The following DISC1 variants were observed in gnomAD, a reference collection of about 807,000 sequenced individuals.
The protein encoded by DISC1 is disrupted in schizophrenia 1 protein.
DISC1 carries 57 observed loss-of-function variants against 84.5 expected under a neutral mutation model. That is an observed-to-expected ratio of 0.67 (90% CI 0.55 to 0.84). DISC1 has a LOEUF of 0.84. DISC1 is among the 40% of genes least tolerant of loss of function. The pLI is 0.00. For missense variants in DISC1, 1,000 were observed against 1,057.8 expected (o/e 0.95, Z 0.76); for synonymous variants, 411 against 415.2 (o/e 0.99, Z 0.12).
Position 232,005,015 on chromosome 1 carries a change from TC to T in DISC1, c.2043-3769del, listed in dbSNP as rs1558828212. 2.0e-4 allele frequency among the ~76,000 whole-genome samples: 23 copies of T among 117,294 alleles called. 1 individual carries two copies. Among genetic ancestry groups the T allele is most frequent in the Middle Eastern group, 5.1e-3 (1 of 198 alleles). 76.9% of individuals were successfully genotyped at this position (117,294 alleles called of 152,430 possible). Reference sequence around the variant, plus strand: ...TCTCTTCTTTCCTTCCTTCCTTCCCTCTCTCCCTCCCTCACTCCCTCCCTCC... The same window carrying T: ...TCTCTTCTTTCCTTCCTTCCTTCCCTTCTCCCTCCCTCACTCCCTCCCTCC... On this transcript the variant is annotated intron_variant, in intron 10 of 12. Coordinates refer to ENST00000439617, the MANE Select transcript of DISC1 (RefSeq NM_018662.3).
intron 1 of DISC1, chr1:231,629,596 T>C (rs2058541050): frequency 6.6e-6 from 1 of 152,636 alleles, no homozygotes; most frequent in East Asian, 1.9e-4. Context: ...TAAAAAATAC[T>C]GTAATCTCAC....
At chr1:231,915,401 A>T (rs1431629826) in intron 9 of DISC1, among the ~76,000 whole-genome samples, 2 of 152,208 alleles carry the variant, frequency 1.3e-5, no homozygotes, top group Non-Finnish European at 2.9e-5. Context: ...AAGCTGCCCA[A>T]TGACACTCCC....
chr1:231,889,637 A>C (rs1298053717), intron 9 of DISC1, among the ~76,000 whole-genome samples: 2 of 152,126 alleles, frequency 1.3e-5, no homozygotes, highest in Non-Finnish European at 2.9e-5. Flanking sequence ...GCCTGGCTGC[A>C]CTCACAGTGG....
rs370031237 is a variant in DISC1 at position 232,018,216 on chromosome 1, C to T, written c.2308-8219C>T. On this transcript the variant is annotated intron_variant, in intron 11 of 12. Coordinates refer to ENST00000439617, the MANE Select transcript of DISC1 (RefSeq NM_018662.3). ...GATACAGCCTGATGAGATATTGTTA[C>T]CAGATACTTTCTCTTATCAAAACAA... 3.9e-5 allele frequency among the ~76,000 whole-genome samples: 6 copies of T among 152,146 alleles called. No homozygotes were observed. The East Asian group carries it at 5.8e-4, about 15-fold the overall frequency.
chr1:231,779,713 C>G (rs2077246494), intron 6 of DISC1, among the ~76,000 whole-genome samples: 1 of 151,936 alleles, frequency 6.6e-6, no homozygotes, highest in East Asian at 1.9e-4. Flanking sequence ...GCACCGGCCA[C>G]CACGCCCGGC....
At chr1:231,965,478 A>G (rs1660967193) in intron 10 of DISC1, among the ~76,000 whole-genome samples, 1 of 152,190 alleles carries the variant, frequency 6.6e-6, no homozygotes, top group Middle Eastern at 3.2e-3. Context: ...GGCCCATTAA[A>G]TAATCTCCTA....
At chr1:231,795,173 G>A in intron 6 of DISC1, 69 bp from the exon 7 acceptor site, 13 of 1,472,928 alleles carry the variant, frequency 8.8e-6, no homozygotes, top group Non-Finnish European at 1.2e-5. Context: ...TTTTTGCAGT[G>A]TTCCTAACTG....
chr1:231,920,376 A>C (rs150020426), intron 9 of DISC1, among the ~76,000 whole-genome samples: 1 of 152,138 alleles, frequency 6.6e-6, no homozygotes, highest in Non-Finnish European at 1.5e-5. Flanking sequence ...GAACTTTCTT[A>C]TCTTTGCTAG....
At chr1:231,793,212 A>G (rs1202093062) in intron 6 of DISC1, among the ~76,000 whole-genome samples, 1 of 152,200 alleles carries the variant, frequency 6.6e-6, no homozygotes, top group Non-Finnish European at 1.5e-5. Flanking sequence ...CTCTGGTATG[A>G]GATTTCCTGA....
chr1:232,021,375 A>ACACACACAC (rs1668946204), intron 11 of DISC1, among the ~76,000 whole-genome samples: 2 of 135,182 alleles, frequency 1.5e-5, no homozygotes, highest in Non-Finnish European at 3.2e-5. Context: ...CACACACACA[A>ACACACACAC]CCCTCAGAAT....
At chr1:231,701,452 A>AAAATAT (rs760400350) in intron 2 of DISC1, among the ~76,000 whole-genome samples, 23 of 152,156 alleles carry the variant, frequency 1.5e-4, no homozygotes, top group Non-Finnish European at 3.1e-4. Flanking sequence ...TCTGTAATGG[A>AAAATAT]AAATATTTGA....
chr1:231,886,805 T>TTCTTTCTTTCTTTC (rs2086775139), intron 9 of DISC1, among the ~76,000 whole-genome samples: 10 of 145,288 alleles, frequency 6.9e-5, no homozygotes, highest in Non-Finnish European at 1.5e-4. Flanking sequence ...CTTTCTTTCT[T>TTCTTTCTTTCTTTC]TCTTTCTTTC....
rs556377114 is a variant in DISC1, at chr1:231,789,714, G to T, written c.1635-5528G>T. 6.6e-5 allele frequency among the ~76,000 whole-genome samples: 10 copies of T among 152,190 alleles called. No individual in the cohort carries two copies. In the South Asian group the frequency reaches 2.1e-3, roughly 32 times the overall value. On this transcript the variant is annotated intron_variant, in intron 6 of 12. Transcript: ENST00000439617. ...CATTCTGGCCCTTGACCAAGTCTTG[G>T]CTTGTATTATCTAGATTAGTGACTG...
chr1:231,713,191 G>T lies in DISC1; in HGVS notation c.1117+11167G>T, dbSNP rs113830588. Among the ~76,000 whole-genome samples, 488 of 152,214 alleles carry T rather than the reference G, an allele frequency of 3.2e-3. 3 individuals carry two copies. Among genetic ancestry groups the T allele is most frequent in the African/African-American group, 0.011 (473 of 41,540 alleles). Reference sequence around the variant, plus strand: ...CCTGGGGAAGGGTGAGAGTCCGATAGCCAGAGTTTACATTATAATATTTAA... The same window carrying T: ...CCTGGGGAAGGGTGAGAGTCCGATATCCAGAGTTTACATTATAATATTTAA... On this transcript the variant is annotated intron_variant, in intron 3 of 12. Transcript: ENST00000439617.
rs1316176686 is a variant in DISC1, at chr1:232,031,508, A to G, written c.2425+4956A>G. ...GGAAGGAAAGAAAGAAAGGAAAGGA[A>G]AGGAAAGAAAGAAAAGGAAAGGAAA... On this transcript the variant is annotated intron_variant, in intron 12 of 12. Coordinates refer to ENST00000439617, the MANE Select transcript of DISC1 (RefSeq NM_018662.3). This position sits in a 1 kb window ranked among gnomAD's most constrained non-coding sequence, Gnocchi z 4.6. 6.6e-6 allele frequency among the ~76,000 whole-genome samples: 1 copy of G among 151,800 alleles called. No homozygotes were observed. The highest frequency in any genetic ancestry group is 2.4e-5 in the African/African-American group (1 of 41,350).
At chr1:231,648,824 G>A (rs540003990) in intron 1 of DISC1, among the ~76,000 whole-genome samples, 1 of 152,206 alleles carries the variant, frequency 6.6e-6, no homozygotes, top group Non-Finnish European at 1.5e-5. Context: ...ATTTCTCCTC[G>A]ATTTTTCTAG....
intron 1 of DISC1, among the ~76,000 whole-genome samples, chr1:231,640,930 GCCTTTTGGATGAAT>G (rs1246602572): frequency 1.3e-5 from 2 of 152,132 alleles, no homozygotes; most frequent in African/African-American, 4.8e-5. Flanking sequence ...TCCCAATGCT[GCCTTTTGGATGAAT>G]CCTGTGATGC....
intron 9 of DISC1, among the ~76,000 whole-genome samples, chr1:231,946,768 T>TCGG: frequency 6.7e-6 from 1 of 149,616 alleles, no homozygotes; most frequent in Non-Finnish European, 1.5e-5. Flanking sequence ...GCAAAGTTGC[T>TCGG]GTTATCAATG....
intron 9 of DISC1, among the ~76,000 whole-genome samples, chr1:231,857,159 G>A (rs1055428508): frequency 6.6e-6 from 1 of 152,170 alleles, no homozygotes; most frequent in Non-Finnish European, 1.5e-5. Context: ...AGCTGTCTGG[G>A]TCACAGAGCG....
Sources: gnomAD v4.1 joint callset for allele counts (sites outside exome capture counted in the v4.1 genomes callset) on GRCh38, gnomAD v4.1.1 for gene constraint, Gnocchi (gnomAD v3.1) non-coding constraint, MANE v1.5 for transcripts, NCBI Gene and HGNC (gene_info 2026-07-23, HGNC 2026-07-21) for gene names.